The following SLC8A3 variants were observed in gnomAD, a reference collection of about 807,000 sequenced individuals.
The protein encoded by SLC8A3 is solute carrier family 8 member A3.
Under a neutral mutation model 65.4 loss-of-function variants are expected in SLC8A3, and 37 were observed. The ratio of observed to expected loss-of-function variants is 0.57; its 90% CI spans 0.44 to 0.74. The LOEUF (loss-of-function observed/expected upper bound fraction) is 0.74, where lower values mean the gene tolerates loss of function less well. Ranked by LOEUF, SLC8A3 falls within the 30% of genes least tolerant of loss-of-function variation. SLC8A3 has a pLI of 0.00. For synonymous variants in SLC8A3, 461 were observed against 444.5 expected, an observed-to-expected ratio of 1.04 and a Z score of -0.47; for missense variants, 1,112 against 1,172.1, an observed-to-expected ratio of 0.95 and a Z score of 0.75.
intron 2 of SLC8A3, among the ~76,000 whole-genome samples, chr14:70,132,239 T>G (rs773204919): frequency 6.6e-6 from 1 of 152,174 alleles, no homozygotes; most frequent in Non-Finnish European, 1.5e-5. Flanking sequence ...AACTAAGAAA[T>G]AAAAGCCACT....
At chr14:70,101,667 A>G (rs1394623017) in intron 2 of SLC8A3, among the ~76,000 whole-genome samples, 1 of 152,232 alleles carries the variant, frequency 6.6e-6, no homozygotes, top group East Asian at 1.9e-4. Context: ...AGGAACTGGT[A>G]CTAGAAATGA....
rs201208403 is a variant in SLC8A3, at chr14:70,168,406, A to C, written c.17T>G (p.Leu6Trp). The C allele has an allele frequency of 4.4e-5, 71 of 1,613,742 alleles. No homozygotes were observed. The East Asian group carries it at 1.5e-3, about 34-fold the overall frequency. Reference protein sequence around the residue: MAWLRLQPLTSAFLHF... With the variant: MAWLRWQPLTSAFLHF... Reference sequence around the variant, plus strand: ...GAGGAAGGCAGAGGTGAGAGGCTGCAACCTTAACCACGCCATACACGAGAC... The same window carrying C: ...GAGGAAGGCAGAGGTGAGAGGCTGCCACCTTAACCACGCCATACACGAGAC... The change falls in exon 2 of 7, where the codon TTG becomes TGG. Residue 6 changes from leucine to tryptophan, a missense_variant. By Grantham distance (61) the Leu-to-Trp change is moderately conservative. Coordinates refer to ENST00000356921, the MANE Select transcript of SLC8A3 (RefSeq NM_182932.3).
chr14:70,177,242 T>A (rs1374489961), intron 1 of SLC8A3, among the ~76,000 whole-genome samples: 1 of 152,176 alleles, frequency 6.6e-6, no homozygotes, highest in African/African-American at 2.4e-5. Context: ...ATAGAAGGGA[T>A]AATATCCAGT....
intron 2 of SLC8A3, among the ~76,000 whole-genome samples, chr14:70,093,402 C>A (rs1311423002): frequency 6.6e-6 from 1 of 152,156 alleles, no homozygotes; most frequent in Non-Finnish European, 1.5e-5. Flanking sequence ...GCTGTGTGGT[C>A]CTGGGAAAGC....
At position 70,046,047 on chromosome 14, in the gene SLC8A3, C is replaced by A. The variant is rs372909057; in HGVS notation, c.2666G>T (p.Arg889Leu). 5 of 1,613,896 alleles carry A rather than the reference C, an allele frequency of 3.1e-6. No individual in the cohort carries two copies. In the South Asian group the frequency reaches 4.4e-5, roughly 14 times the overall value. Residue 889 changes from arginine (R) to leucine (L), a missense_variant, in exon 7 of 7, where the codon CGT becomes CTT. Arg to Leu is a moderately radical substitution (Grantham distance 102, BLOSUM62 -2). Transcript: ENST00000356921. This position sits in a 1 kb window ranked among gnomAD's most constrained non-coding sequence, Gnocchi z 4.2. ...CCATGTTGTGGCGAGCTTGCAGCCA[C>A]GGGGGCCACCAAGCTCCCCTCCCAG... ...PHLGGELGGP[R>L]GCKLATTWLF...
intron 3 of SLC8A3, among the ~76,000 whole-genome samples, chr14:70,054,894 A>G (rs922722240): frequency 3.3e-5 from 5 of 152,118 alleles, no homozygotes; most frequent in African/African-American, 1.2e-4. Flanking sequence ...AGTGGCCTTA[A>G]CATTTTTTTC....
chr14:70,140,049 C>T (rs1428161056), intron 2 of SLC8A3, among the ~76,000 whole-genome samples: 1 of 152,046 alleles, frequency 6.6e-6, no homozygotes, highest in Non-Finnish European at 1.5e-5. Flanking sequence ...GTAAAAATTG[C>T]AATTATTTTT....
chr14:70,078,125 A>G (rs926443785), intron 2 of SLC8A3, among the ~76,000 whole-genome samples: 2 of 152,248 alleles, frequency 1.3e-5, no homozygotes, highest in Non-Finnish European at 2.9e-5. Flanking sequence ...AATGCCATTC[A>G]GGGCAGGTAA....
intron 3 of SLC8A3, among the ~76,000 whole-genome samples, chr14:70,052,910 C>A (rs1275519830): frequency 6.6e-6 from 1 of 152,158 alleles, no homozygotes; most frequent in South Asian, 2.1e-4. Flanking sequence ...GGGTCAGAGG[C>A]CAAGAAGGTC....
At chr14:70,051,247 C>T (rs1887475532) in intron 4 of SLC8A3, 140 bp from the exon 5 acceptor site, 1 of 607,118 alleles carries the variant, frequency 1.6e-6, no homozygotes, top group African/African-American at 1.9e-5. Flanking sequence ...TGGGCGATCT[C>T]TTTTGAGGCA....
rs899904346 is a variant in SLC8A3, at chr14:70,167,095, C to G, written c.1328G>C (p.Gly443Ala). 5 of 1,613,992 alleles carry G rather than the reference C, an allele frequency of 3.1e-6. No homozygotes were observed. Among genetic ancestry groups the G allele is most frequent in the Non-Finnish European group, 3.4e-6 (4 of 1,180,046 alleles). ...GCCCTCTGTGAACTCATAGTCAGCC[C>G]CTGCATTGGCAGAACCATCCTCTGT... The part of the protein sequence containing the change: ...YKTEDGSANA[G>A]ADYEFTEGTV... Residue 443 changes from glycine (G) to alanine (A), a missense_variant, in exon 2 of 7, where the codon GGG (glycine) becomes GCG (alanine). By Grantham distance (60) the Gly-to-Ala change is moderately conservative. Transcript: ENST00000356921.
At chr14:70,069,605 CA>C (rs1242791359) in intron 2 of SLC8A3, among the ~76,000 whole-genome samples, 2 of 152,094 alleles carry the variant, frequency 1.3e-5, no homozygotes, top group African/African-American at 2.4e-5. Context: ...GGTTGGGTGT[CA>C]CTGCCCCATC....
chr14:70,140,948 G>A (rs1311208761), intron 2 of SLC8A3, among the ~76,000 whole-genome samples: 1 of 152,180 alleles, frequency 6.6e-6, no homozygotes, highest in Admixed American at 6.5e-5. Context: ...ATGCTTTATA[G>A]CATCTAGCCA....
At chr14:70,172,410 T>C (rs1897603132) in intron 1 of SLC8A3, among the ~76,000 whole-genome samples, 1 of 152,152 alleles carries the variant, frequency 6.6e-6, no homozygotes, top group Non-Finnish European at 1.5e-5. Flanking sequence ...ACCACCCTAT[T>C]TTACTAAGCT....
intron 2 of SLC8A3, among the ~76,000 whole-genome samples, chr14:70,123,073 CAA>C (rs35933485): frequency 0.14 from 12,189 of 89,208 alleles, 729 homozygotes; most frequent in Middle Eastern, 0.24. Flanking sequence ...ACTCCATCTC[CAA>C]AAAAAAAAAA....
chr14:70,057,904 C>G (rs989858620), intron 3 of SLC8A3, among the ~76,000 whole-genome samples: 1 of 148,630 alleles, frequency 6.7e-6, no homozygotes, highest in African/African-American at 2.5e-5. Context: ...GAGAGAGAGA[C>G]AGAGAGCTTT....
intron 2 of SLC8A3, among the ~76,000 whole-genome samples, chr14:70,068,915 C>A (rs140356619): frequency 1.3e-5 from 2 of 151,998 alleles, no homozygotes; most frequent in Non-Finnish European, 2.9e-5. Context: ...TTTCTAGAGA[C>A]GAGGTGTCAC....
chr14:70,104,972 T>C (rs924453974), intron 2 of SLC8A3, among the ~76,000 whole-genome samples: 1 of 152,094 alleles, frequency 6.6e-6, no homozygotes, highest in African/African-American at 2.4e-5. Context: ...ATCAGTATAA[T>C]GTAGATAAAA....
chr14:70,055,390 A>ATT (rs577753030), intron 3 of SLC8A3, among the ~76,000 whole-genome samples: 16 of 151,370 alleles, frequency 1.1e-4, no homozygotes, highest in African/African-American at 3.6e-4. Flanking sequence ...GGATTAAAGT[A>ATT]TTTTTTTTTC....
Sources: gnomAD v4.1 joint callset for allele counts (sites outside exome capture counted in the v4.1 genomes callset) on GRCh38, gnomAD v4.1.1 for gene constraint, Gnocchi (gnomAD v3.1) non-coding constraint, MANE v1.5 for transcripts, NCBI Gene and HGNC (gene_info 2026-07-23, HGNC 2026-07-21) for gene names.